Variants in SPSB3 observed in about 807,000 individuals in gnomAD.
The protein encoded by SPSB3 is SPRY domain-containing SOCS box protein 3.
Under a neutral mutation model 29.5 loss-of-function variants are expected in SPSB3, and 18 were observed. The observed-to-expected ratio is 0.61, with a 90% CI of 0.42 to 0.91. The LOEUF (loss-of-function observed/expected upper bound fraction) is 0.91. SPSB3 is among the 40% of genes least tolerant of loss of function. SPSB3 has a pLI of 0.00. For missense variants in SPSB3, 540 were observed against 507.5 expected (o/e 1.06, Z -0.61); for synonymous variants, 299 against 214.1 (o/e 1.40, Z -3.46).
At chr16:1,781,746 T>C in intron 1 of SPSB3, 1 of 511,994 alleles carries the variant, frequency 2.0e-6, no homozygotes, top group Non-Finnish European at 3.5e-6. Context: ...AGCCCCTCTC[T>C]CCGGTTCCAC....
In SPSB3 at chr16:1,778,720, G is replaced by A. The variant is rs2042751951; in HGVS notation, c.127-108C>T. The A allele has an allele frequency of 7.7e-6, 10 of 1,291,310 alleles. No homozygotes were observed. In the South Asian group the frequency reaches 1.2e-4, roughly 16 times the overall value. The allele number at this position is 1,291,310 out of a possible 1,614,324, so 80.0% of individuals were successfully genotyped here. A position where few individuals can be genotyped will look rare whatever the true frequency, so the allele number is the denominator to read the frequency against. On this transcript the variant is annotated intron_variant, in intron 2 of 6. Coordinates refer to ENST00000566339, the MANE Select transcript of SPSB3 (RefSeq NM_080861.4). The stretch of plus-strand genomic sequence containing the variant: ...TCCCTGACCCACCCAGGAAAGGATG[G>A]GGGTCCAGGCCTCCAGGGACTTCAC...
Position 1,777,743 on chromosome 16 carries a change from T to C in SPSB3, c.721+4A>G. 6.2e-7 allele frequency: 1 copy of C among 1,611,710 alleles called. No individual in the cohort carries two copies. Among genetic ancestry groups the C allele is most frequent in the Non-Finnish European group, 8.5e-7 (1 of 1,179,564 alleles). ...GAGGAGCTCAAGTCCTGTGACGGCCTCACCTATACACTTCCTGTTCTTGAA... is the reference window on the plus strand; with the variant it reads ...GAGGAGCTCAAGTCCTGTGACGGCCCCACCTATACACTTCCTGTTCTTGAA... On this transcript the variant is annotated splice_donor_region_variant and intron_variant, in intron 6 of 6. Coordinates refer to ENST00000566339, the MANE Select transcript of SPSB3 (RefSeq NM_080861.4).
intron 6 of SPSB3, 79 bp downstream of exon 6, chr16:1,777,668 T>C (rs2042734183): frequency 6.3e-7 from 1 of 1,575,382 alleles, no homozygotes; most frequent in Non-Finnish European, 8.6e-7. Flanking sequence ...AAAACCTCAG[T>C]GTCCCCTGGG....
chr16:1,777,030 C>T lies in SPSB3; in HGVS notation c.*67G>A, dbSNP rs2042723879. On this transcript the variant is annotated 3_prime_UTR_variant, in exon 7 of 7. Coordinates refer to ENST00000566339, the MANE Select transcript of SPSB3 (RefSeq NM_080861.4). ...CTGGAGTGTGGCTGGAAGGAAGGGA[C>T]AGAGAAAGAAGGGACAGAGGAAAGG... 1 of 1,532,956 alleles carries T rather than the reference C, an allele frequency of 6.5e-7. No homozygotes were observed. The highest frequency in any genetic ancestry group is 1.2e-5 in the South Asian group (1 of 82,022). 95.0% of individuals were successfully genotyped at this position (1,532,956 alleles called of 1,614,324 possible). A position where few individuals can be genotyped will look rare whatever the true frequency, so the allele number is the denominator to read the frequency against.
In SPSB3 at chr16:1,777,211, G is replaced by T; in HGVS notation, c.954C>A (p.Ser318Arg). The change falls in exon 7 of 7, where the codon AGC becomes AGA. Residue 318 changes from serine (S) to arginine (R), a missense_variant. Physicochemically the swap from Ser to Arg is moderately radical, Grantham distance 110. Coordinates refer to ENST00000566339, the MANE Select transcript of SPSB3 (RefSeq NM_080861.4). ...VLHNKLGWVL[S>R]MSCSRRKAPV... ...GAGCCTTGCGGCGGCTGCAACTCAT[G>T]CTCAGGACCCAGCCCAGCTTGTTGT... 6.2e-7 allele frequency: 1 copy of T among 1,610,502 alleles called. No homozygotes were observed. Among genetic ancestry groups the T allele is most frequent in the Non-Finnish European group, 8.5e-7 (1 of 1,179,834 alleles).
intron 1 of SPSB3, chr16:1,781,805 C>T (rs1896727467): frequency 2.6e-6 from 1 of 383,248 alleles, no homozygotes; most frequent in Non-Finnish European, 4.8e-6. Flanking sequence ...CATCTAAAAC[C>T]TCCACTCGCT....
Position 1,777,210 on chromosome 16 carries a change from T to C in SPSB3, c.955A>G (p.Met319Val), listed in dbSNP as rs1162946677. 1.2e-6 allele frequency: 2 copies of C among 1,610,514 alleles called. No homozygotes were observed. Among genetic ancestry groups the C allele is most frequent in the Admixed American group, 1.7e-5 (1 of 60,016 alleles). Residue 319 changes from methionine (M) to valine (V), a missense_variant, in exon 7 of 7, where the codon ATG becomes GTG. Met to Val is a conservative substitution (Grantham distance 21). Coordinates refer to ENST00000566339, the MANE Select transcript of SPSB3 (RefSeq NM_080861.4). Reference sequence around the variant, plus strand: ...GGAGCCTTGCGGCGGCTGCAACTCATGCTCAGGACCCAGCCCAGCTTGTTG... The same window carrying C: ...GGAGCCTTGCGGCGGCTGCAACTCACGCTCAGGACCCAGCCCAGCTTGTTG... ...LHNKLGWVLS[M>V]SCSRRKAPVS...
rs1326992309 is a variant in SPSB3, at chr16:1,781,346, G to A, written c.126+12C>T. On this transcript the variant is annotated intron_variant, in intron 2 of 6. Transcript: ENST00000566339. The stretch of plus-strand genomic sequence containing the variant: ...TAGGCCAGCCACGTCCGCCTCGCCC[G>A]CTGGAACCTACCTGCCCATCAGAGT... 4.3e-6 allele frequency: 7 copies of A among 1,612,872 alleles called. No individual in the cohort carries two copies. Among genetic ancestry groups the A allele is most frequent in the Non-Finnish European group, 5.9e-6 (7 of 1,180,000 alleles).
chr16:1,778,365 G>A, intron 3 of SPSB3, 44 bp from the exon 4 acceptor site: 1 of 1,610,208 alleles, frequency 6.2e-7, no homozygotes, highest in South Asian at 1.1e-5. Flanking sequence ...GAGCTCCATG[G>A]GGCTCTGCCC....
Position 1,778,602 on chromosome 16 carries a change from G to C in SPSB3, c.137C>G (p.Ser46Trp), listed in dbSNP as rs552854113. 10 of 1,559,554 alleles carry C rather than the reference G, an allele frequency of 6.4e-6. No individual in the cohort carries two copies. The South Asian group carries it at 1.2e-4, about 18-fold the overall frequency. The change falls in exon 3 of 7, where the codon TCG becomes TGG. Residue 46 changes from serine (S) to tryptophan (W), a missense_variant. Physicochemically the swap from Ser to Trp is radical, Grantham distance 177 (BLOSUM62 -3). Coordinates refer to ENST00000566339, the MANE Select transcript of SPSB3 (RefSeq NM_080861.4). The stretch of plus-strand genomic sequence containing the variant: ...CGTGGAGTACTCGGGGTCGGAGTCC[G>C]AGTCGCTGTGCTGGGAGAGAAGGGC... ...GYDSDGQHSDSDSDPEYSTLP... is the reference protein window; with the variant it reads ...GYDSDGQHSDWDSDPEYSTLP...
chr16:1,778,332 G>A lies in SPSB3; in HGVS notation c.305-11C>T, dbSNP rs1596855570. ...AGACCCAGTCGAAATCTGCAAGAGAGGCCCAGGCTGGGGCAGCCCTGAGAG... is the reference window on the plus strand; with the variant it reads ...AGACCCAGTCGAAATCTGCAAGAGAAGCCCAGGCTGGGGCAGCCCTGAGAG... On this transcript the variant is annotated splice_polypyrimidine_tract_variant and intron_variant, in intron 3 of 6. Coordinates refer to ENST00000566339, the MANE Select transcript of SPSB3 (RefSeq NM_080861.4). 9 of 1,611,852 alleles carry A rather than the reference G, an allele frequency of 5.6e-6. No homozygotes were observed. Among genetic ancestry groups the A allele is most frequent in the East Asian group, 2.2e-5 (1 of 44,868 alleles).
chr16:1,781,578 T>G (rs1896714172), intron 1 of SPSB3, 83 bp from the exon 2 acceptor site: 1 of 1,481,736 alleles, frequency 6.7e-7, no homozygotes, highest in Admixed American at 2.1e-5. Context: ...ACGGACCCAC[T>G]CAAAGTGGGG....
At chr16:1,780,649 C>G (rs1460437556) in intron 2 of SPSB3, 1 of 160,258 alleles carries the variant, frequency 6.2e-6, no homozygotes, top group Non-Finnish European at 1.4e-5. Context: ...TGCGTTTGTA[C>G]TGGCAGAAGA....
In SPSB3 at chr16:1,777,195, G is replaced by C; in HGVS notation, c.970C>G (p.Arg324Gly). 1 of 1,610,500 alleles carries C rather than the reference G, an allele frequency of 6.2e-7. No individual in the cohort carries two copies. The highest frequency in any genetic ancestry group is 2.2e-5 in the East Asian group (1 of 44,876). ...GWVLSMSCSR[R>G]KAPVSDPQAA... Reference sequence around the variant, plus strand: ...TGGGGATCGGACACTGGAGCCTTGCGGCGGCTGCAACTCATGCTCAGGACC... The same window carrying C: ...TGGGGATCGGACACTGGAGCCTTGCCGCGGCTGCAACTCATGCTCAGGACC... Residue 324 changes from arginine to glycine, a missense_variant, in exon 7 of 7, where the codon CGC becomes GGC. Transcript: ENST00000566339.
chr16:1,777,104 C>T lies in SPSB3; in HGVS notation c.1061G>A (p.Arg354Gln), dbSNP rs148030477. The T allele has an allele frequency of 1.3e-5, 21 of 1,610,646 alleles. No individual in the cohort carries two copies. The highest frequency in any genetic ancestry group is 1.6e-4 in the Middle Eastern group (1 of 6,068). Reference protein sequence around the residue: ...PRPCQRKRCRRT With the variant: ...PRPCQRKRCRQT Reference sequence around the variant, plus strand: ...GTTCCACTGGGAAGTCAGTCAGGTCCGGCGGCAGCGCTTCCTCTGGCAGGG... The same window carrying T: ...GTTCCACTGGGAAGTCAGTCAGGTCTGGCGGCAGCGCTTCCTCTGGCAGGG... The change falls in exon 7 of 7, where the codon CGG becomes CAG. Residue 354 changes from arginine to glutamine, a missense_variant. Transcript: ENST00000566339.
Position 1,777,646 on chromosome 16 carries a change from G to A in SPSB3, c.721+101C>T. 5 of 1,544,888 alleles carry A rather than the reference G, an allele frequency of 3.2e-6. No homozygotes were observed. The South Asian group carries it at 4.8e-5, about 15-fold the overall frequency. On this transcript the variant is annotated intron_variant, in intron 6 of 6. Coordinates refer to ENST00000566339, the MANE Select transcript of SPSB3 (RefSeq NM_080861.4). ...CCCTGGGGCCTCAGGCTTCTGGGAGGAACCCTTTCAGAAAACCTCAGTGTC... is the reference window on the plus strand; with the variant it reads ...CCCTGGGGCCTCAGGCTTCTGGGAGAAACCCTTTCAGAAAACCTCAGTGTC...
chr16:1,778,690 C>G (rs1005121638), intron 2 of SPSB3, 78 bp from the exon 3 acceptor site: 1 of 1,467,942 alleles, frequency 6.8e-7, no homozygotes, highest in African/African-American at 1.4e-5. Flanking sequence ...CCCTGTCCCA[C>G]CCTGTCCCTG....
At chr16:1,781,127 AGT>A in intron 2 of SPSB3, 1 of 1,471,482 alleles carries the variant, frequency 6.8e-7, no homozygotes, top group Non-Finnish European at 9.1e-7. Flanking sequence ...TGAAGAATGC[AGT>A]GTGTTCTGAG....
Position 1,777,256 on chromosome 16 carries a change from C to T in SPSB3, c.909G>A (p.Pro303=), listed in dbSNP as rs751327026. The T allele has an allele frequency of 2.4e-5, 38 of 1,610,444 alleles. No homozygotes were observed. The highest frequency in any genetic ancestry group is 4.0e-5 in the African/African-American group (3 of 74,938). Residue 303 remains proline (P), a synonymous_variant, in exon 7 of 7, where the codon CCG becomes CCA. Coordinates refer to ENST00000566339, the MANE Select transcript of SPSB3 (RefSeq NM_080861.4). ...TGTTGTGTAGCACCTGCTTGAGGCC[C>T]GGCGGCAGCGGCAGACCCTCCAGCG... ...GDTLEGLPLP[P]GLKQVLHNKL...
Sources: gnomAD v4.1 joint callset for allele counts on GRCh38, gnomAD v4.1.1 for gene constraint, MANE v1.5 for transcripts, NCBI Gene and HGNC (gene_info 2026-07-23, HGNC 2026-07-21) for gene names.